Variants in OCA2 observed in about 807,000 individuals in gnomAD.
OCA2 encodes the protein OCA2 melanosomal transmembrane protein.
OCA2 carries 77 observed loss-of-function variants against 100.2 expected under a neutral mutation model. The observed-to-expected ratio is 0.77, with a 90% CI of 0.64 to 0.93. The LOEUF (loss-of-function observed/expected upper bound fraction) is 0.93. Among genes scored for constraint, OCA2 ranks in the 40% least tolerant of loss-of-function variants. The probability of loss-of-function intolerance (pLI) is 0.00; values close to 1 mark genes in which losing one functional copy is unlikely to be tolerated. For missense variants in OCA2, 1,062 were observed against 1,089.1 expected (o/e 0.98, Z 0.35); for synonymous variants, 432 against 439.2 (o/e 0.98, Z 0.21).
intron 23 of OCA2, among the ~76,000 whole-genome samples, chr15:27,774,982 G>T (rs1258653590): frequency 6.7e-6 from 1 of 149,992 alleles, no homozygotes; most frequent in African/African-American, 2.5e-5. Context: ...CTGAGCAGAC[G>T]ATGACAGCAA....
At chr15:28,032,792 C>CAAA (rs34369918) in intron 2 of OCA2, among the ~76,000 whole-genome samples, 5 of 107,540 alleles carry the variant, frequency 4.6e-5, no homozygotes, top group Non-Finnish European at 5.7e-5. Context: ...GACTCTGTCT[C>CAAA]AAAAAAAAAA....
At chr15:27,785,963 C>T (rs879240841) in intron 23 of OCA2, among the ~76,000 whole-genome samples, 7 of 152,116 alleles carry the variant, frequency 4.6e-5, no homozygotes, top group African/African-American at 9.7e-5. Flanking sequence ...AAAAGCATTA[C>T]GCTAAGTGAA....
Position 28,014,906 on chromosome 15 carries a change from C to T in OCA2, c.914G>A (p.Arg305Gln), listed in dbSNP as rs141603023. ...AGCCTGGGTCTGCTGCAGGGAGGCC[C>T]GGATGCTGATGGACACCGTCTCTCT... ...LTRETVSISI[R>Q]ASLQQTQAVP... Residue 305 changes from arginine to glutamine, a missense_variant, in exon 9 of 24, where the codon CGG (arginine) becomes CAG (glutamine). Transcript: ENST00000354638. The T allele has an allele frequency of 4.1e-5, 66 of 1,614,112 alleles. No individual in the cohort carries two copies. The Middle Eastern group carries it at 6.6e-4, about 16-fold the overall frequency.
At chr15:28,063,463 C>T (rs934176403) in intron 2 of OCA2, among the ~76,000 whole-genome samples, 41 of 151,838 alleles carry the variant, frequency 2.7e-4, no homozygotes, top group Non-Finnish European at 5.5e-4. Flanking sequence ...TTTCTATATG[C>T]CTCATGTTTT....
At chr15:27,745,952 C>G in the OCA2 span, among the ~76,000 whole-genome samples, 1 of 152,110 alleles carries the variant, frequency 6.6e-6, no homozygotes, top group South Asian at 2.1e-4. Context: ...CTTTCTGGAC[C>G]AAACCAATGT....
chr15:28,049,658 G>A (rs1027751363), intron 2 of OCA2, among the ~76,000 whole-genome samples: 7 of 152,180 alleles, frequency 4.6e-5, no homozygotes, highest in Non-Finnish European at 8.8e-5. Context: ...GACACATGCC[G>A]AATATGATGA....
intron 1 of OCA2, among the ~76,000 whole-genome samples, chr15:28,094,189 G>A (rs1038039808): frequency 2.6e-5 from 4 of 151,854 alleles, no homozygotes; most frequent in African/African-American, 9.7e-5. Context: ...CTAGCACACA[G>A]CCTACCTCTG....
At chr15:27,768,529 G>A (rs576428422) in intron 23 of OCA2, among the ~76,000 whole-genome samples, 2 of 152,206 alleles carry the variant, frequency 1.3e-5, no homozygotes, top group African/African-American at 4.8e-5. Context: ...GTAAATTCTC[G>A]GTAACAACTT....
chr15:27,984,807 C>T (rs186278758), intron 13 of OCA2, among the ~76,000 whole-genome samples: 3 of 152,192 alleles, frequency 2.0e-5, no homozygotes, highest in African/African-American at 7.2e-5. Flanking sequence ...AGACCACAAT[C>T]TCCAGGAAAG....
At position 27,957,713 on chromosome 15, in the gene OCA2, G is replaced by C; in HGVS notation, c.1659C>G (p.Val553=). The C allele has an allele frequency of 1.9e-6, 3 of 1,613,198 alleles. No homozygotes were observed. The highest frequency in any genetic ancestry group is 2.5e-6 in the Non-Finnish European group (3 of 1,180,018). ...EIVELKHEIH[V]WRLTAQRISP... ...TGATGCGCTGAGCAGTCAGGCGCCA[G>C]ACGTGAATCTCGTGCTTCAGTTCTG... Residue 553 remains valine (V), a synonymous_variant, in exon 16 of 24, where the codon GTC becomes GTG. Transcript: ENST00000354638. This position sits in a 1 kb window ranked among gnomAD's most constrained non-coding sequence, Gnocchi z 4.3.
chr15:27,911,788 C>A (rs753083757), intron 19 of OCA2, among the ~76,000 whole-genome samples: 2 of 152,084 alleles, frequency 1.3e-5, no homozygotes, highest in Non-Finnish European at 2.9e-5. Flanking sequence ...TTTGGAGGGA[C>A]AAGTATCCAA....
At chr15:27,813,735 C>T (rs2034170280) in intron 23 of OCA2, among the ~76,000 whole-genome samples, 1 of 152,116 alleles carries the variant, frequency 6.6e-6, no homozygotes, top group Admixed American at 6.5e-5. Flanking sequence ...ATATTTCACA[C>T]TCAAAAGGCT....
At chr15:28,035,424 C>A (rs562617394) in intron 2 of OCA2, among the ~76,000 whole-genome samples, 23 of 152,294 alleles carry the variant, frequency 1.5e-4, no homozygotes, top group African/African-American at 5.3e-4. Flanking sequence ...ACCAAGGAGG[C>A]CTTGGGGCCC....
At chr15:27,920,997 T>C (rs1418485949) in intron 19 of OCA2, among the ~76,000 whole-genome samples, 4 of 148,206 alleles carry the variant, frequency 2.7e-5, no homozygotes. Context: ...AGAGAATAAT[T>C]TTTTTTAAAA....
chr15:27,973,101 C>G (rs767456352), intron 14 of OCA2, among the ~76,000 whole-genome samples: 1 of 152,044 alleles, frequency 6.6e-6, no homozygotes. Context: ...AACTCCTGAC[C>G]TGAAGTGATC....
rs546303607 is a variant in OCA2 at position 27,874,398 on chromosome 15, G to A, written c.2080-2476C>T. ...CACATTGAGCCAAGATCCTTGAAAT[G>A]CACTAAAATTATTCCCTGGCATCCA... On this transcript the variant is annotated intron_variant, in intron 19 of 23. Coordinates refer to ENST00000354638, the MANE Select transcript of OCA2 (RefSeq NM_000275.3). Among the ~76,000 whole-genome samples, 8 of 152,290 alleles carry A rather than the reference G, an allele frequency of 5.3e-5. No individual in the cohort carries two copies. The East Asian group carries it at 1.2e-3, about 22-fold the overall frequency.
chr15:28,009,994 C>T (rs929355260), intron 9 of OCA2, among the ~76,000 whole-genome samples: 30 of 151,914 alleles, frequency 2.0e-4, no homozygotes, highest in Non-Finnish European at 3.4e-4. Context: ...TAGTAATAAA[C>T]GCTCACATTA....
At chr15:28,086,053 G>T (rs1439749110) in intron 1 of OCA2, among the ~76,000 whole-genome samples, 1 of 152,240 alleles carries the variant, frequency 6.6e-6, no homozygotes, top group African/African-American at 2.4e-5. Context: ...GCAAAAGGCT[G>T]AGTAGGGAGT....
intron 19 of OCA2, among the ~76,000 whole-genome samples, chr15:27,924,766 A>T (rs1229632866): frequency 6.6e-6 from 1 of 152,236 alleles, no homozygotes; most frequent in Non-Finnish European, 1.5e-5. Flanking sequence ...AGAGGAAAAA[A>T]GATATGAGAT....
Sources: gnomAD v4.1 joint callset for allele counts (sites outside exome capture counted in the v4.1 genomes callset) on GRCh38, gnomAD v4.1.1 for gene constraint, Gnocchi (gnomAD v3.1) non-coding constraint, MANE v1.5 for transcripts, NCBI Gene and HGNC (gene_info 2026-07-23, HGNC 2026-07-21) for gene names.